Variants in DOCK10 observed in about 807,000 individuals in gnomAD.
The protein encoded by DOCK10 is dedicator of cytokinesis protein 10.
A neutral mutation model predicts 280.1 loss-of-function variants in DOCK10; 145 were observed. The ratio of observed to expected loss-of-function variants is 0.52; its 90% CI spans 0.45 to 0.59. The LOEUF is 0.59. DOCK10 is among the 20% of genes least tolerant of loss of function. The pLI, the probability that DOCK10 is intolerant of heterozygous loss-of-function variation, is 0.00. For synonymous variants in DOCK10, 915 were observed against 942.2 expected, an observed-to-expected ratio of 0.97 and a Z score of 0.53; for missense variants, 2,368 against 2,651.7, an observed-to-expected ratio of 0.89 and a Z score of 2.35.
Position 224,797,880 on chromosome 2 carries a change from G to A in DOCK10, c.4596C>T (p.Ala1532=), listed in dbSNP as rs1168861086. The change falls in exon 42 of 56, where the codon GCC becomes GCT. Residue 1532 remains alanine (A), a synonymous_variant. Coordinates refer to ENST00000258390, the MANE Select transcript of DOCK10 (RefSeq NM_014689.3). The part of the protein sequence containing the change: ...YMLFFQVNQS[A]TALKHVFASL... The stretch of plus-strand genomic sequence containing the variant: ...AGGCAAACACATGCTTCAGCGCTGT[G>A]GCTGACTGATTGACTTGGAAAAAGA... 1 of 1,613,850 alleles carries A rather than the reference G, an allele frequency of 6.2e-7. No homozygotes were observed. Among genetic ancestry groups the A allele is most frequent in the East Asian group, 2.2e-5 (1 of 44,878 alleles).
At chr2:224,898,214 C>T (rs574364381) in intron 3 of DOCK10, among the ~76,000 whole-genome samples, 14 of 152,246 alleles carry the variant, frequency 9.2e-5, no homozygotes, top group African/African-American at 3.4e-4. Flanking sequence ...GCATGAAAAA[C>T]GCAGGGCGAG....
chr2:224,978,476 G>C (rs552038741), intron 1 of DOCK10, among the ~76,000 whole-genome samples: 7 of 152,228 alleles, frequency 4.6e-5, no homozygotes, highest in South Asian at 4.2e-4. Flanking sequence ...GAGGGTCAAG[G>C]TCAAAGCAAG....
At position 224,886,893 on chromosome 2, in the gene DOCK10, C is replaced by CCCCCCCA. The variant is rs550630549; in HGVS notation, c.417-363_417-362insTGGGGGG. Among the ~76,000 whole-genome samples the CCCCCCCA allele has an allele frequency of 6.5e-4, 97 of 149,484 alleles. 2 individuals are homozygous for CCCCCCCA. The highest frequency in any genetic ancestry group is 3.8e-3 in the South Asian group (18 of 4,690). ...CTGCATGCAGCACCCCCAACACCCC[C>CCCCCCCA]CCAAGTAGTACCTGGGATTACAGGC... On this transcript the variant is annotated intron_variant, in intron 4 of 55. Transcript: ENST00000258390.
At chr2:224,934,867 A>G (rs1702597625) in intron 1 of DOCK10, among the ~76,000 whole-genome samples, 1 of 152,126 alleles carries the variant, frequency 6.6e-6, no homozygotes, top group Non-Finnish European at 1.5e-5. Context: ...CTTTCTCTCA[A>G]ATGAGTAATG....
intron 21 of DOCK10, among the ~76,000 whole-genome samples, 174 bp from the exon 22 acceptor site, chr2:224,845,013 C>T (rs1223927961): frequency 1.3e-5 from 2 of 152,156 alleles, no homozygotes; most frequent in Admixed American, 6.5e-5. Flanking sequence ...ACCAATATGA[C>T]ATCGGGATCA....
At chr2:225,028,474 G>A (rs951497631) in intron 1 of DOCK10, among the ~76,000 whole-genome samples, 1 of 152,170 alleles carries the variant, frequency 6.6e-6, no homozygotes, top group Non-Finnish European at 1.5e-5. Flanking sequence ...CAGCCTTGCT[G>A]ATACCTTGAT....
intron 19 of DOCK10, among the ~76,000 whole-genome samples, chr2:224,847,182 T>C (rs1356683452): frequency 6.6e-6 from 1 of 152,226 alleles, no homozygotes; most frequent in African/African-American, 2.4e-5. Context: ...AGAATTGTTT[T>C]CAACTAACTG....
intron 2 of DOCK10, among the ~76,000 whole-genome samples, chr2:224,930,008 A>G (rs7592444): frequency 0.56 from 84,887 of 151,718 alleles, 24,698 homozygotes; most frequent in Non-Finnish European, 0.63. Flanking sequence ...CAAGACCAGC[A>G]TGGCCAACAT....
At chr2:224,776,095 C>T (rs1254341828) in intron 51 of DOCK10, among the ~76,000 whole-genome samples, 2 of 151,654 alleles carry the variant, frequency 1.3e-5, no homozygotes, top group African/African-American at 4.9e-5. Flanking sequence ...CTAAGAAAAT[C>T]CAGGAAATTG....
chr2:224,848,306 T>C (rs149958374), intron 19 of DOCK10, among the ~76,000 whole-genome samples: 25 of 152,378 alleles, frequency 1.6e-4, no homozygotes, highest in African/African-American at 5.5e-4. Flanking sequence ...GCTGTGATAT[T>C]GTGAATCTCA....
At chr2:225,017,705 C>CAA (rs61170287) in intron 1 of DOCK10, among the ~76,000 whole-genome samples, 10,423 of 126,508 alleles carry the variant, frequency 0.082, 1,202 homozygotes, top group African/African-American at 0.27. Context: ...CCTACTGTTC[C>CAA]AAAAAAAAAA....
chr2:224,888,852 TTG>T (rs1467762999), intron 4 of DOCK10, among the ~76,000 whole-genome samples: 31 of 152,022 alleles, frequency 2.0e-4, no homozygotes, highest in Middle Eastern at 3.4e-3. Context: ...GTGAATATAT[TTG>T]TGTGTGACTA....
chr2:224,855,327 C>T (rs1471705521), intron 15 of DOCK10, among the ~76,000 whole-genome samples: 1 of 152,086 alleles, frequency 6.6e-6, no homozygotes, highest in Non-Finnish European at 1.5e-5. Flanking sequence ...CTTCAGATAA[C>T]ACAAAAATCA....
intron 7 of DOCK10, among the ~76,000 whole-genome samples, chr2:224,881,042 C>T (rs1056237463): frequency 6.6e-6 from 1 of 152,150 alleles, no homozygotes; most frequent in Non-Finnish European, 1.5e-5. Flanking sequence ...TGCTTTCCCT[C>T]ATTGAACTTA....
chr2:225,042,283 G>A lies in DOCK10; in HGVS notation c.92C>T (p.Ala31Val). The A allele has an allele frequency of 7.5e-7, 1 of 1,339,058 alleles. No individual in the cohort carries two copies. Among genetic ancestry groups the A allele is most frequent in the Non-Finnish European group, 9.6e-7 (1 of 1,043,084 alleles). 82.9% of individuals were successfully genotyped at this position (1,339,058 alleles called of 1,614,324 possible). ...CTGCTGCCGGCTGCTGACTGCCACC[G>A]CGGCGGCGGACGCGGCGCTGTGCCG... is the stretch of plus-strand genomic sequence containing the variant. ...ELRHSAASAA[A>V]VAVSSRQQQR... Residue 31 changes from alanine (A) to valine (V), a missense_variant, in exon 1 of 56, where the codon GCG becomes GTG. This residue lies in a region of DOCK10 where 1,209 missense variants were observed against 1,250.9 expected (regional missense o/e 0.97). Coordinates refer to ENST00000258390, the MANE Select transcript of DOCK10 (RefSeq NM_014689.3). This position sits in a 1 kb window ranked among gnomAD's most constrained non-coding sequence, Gnocchi z 5.1.
intron 44 of DOCK10, 150 bp downstream of exon 44, chr2:224,796,166 C>A: frequency 1.7e-6 from 1 of 587,774 alleles, no homozygotes; most frequent in Non-Finnish European, 3.0e-6. Context: ...TGGCCTCAAG[C>A]GATCCTCCTG....
At chr2:225,037,937 C>A (rs940820383) in intron 1 of DOCK10, among the ~76,000 whole-genome samples, 2 of 152,190 alleles carry the variant, frequency 1.3e-5, no homozygotes, top group African/African-American at 2.4e-5. Context: ...AAGTAACATT[C>A]AAACTTGATC....
intron 55 of DOCK10, among the ~76,000 whole-genome samples, chr2:224,766,284 CT>C (rs1334454213): frequency 1.3e-5 from 2 of 152,158 alleles, no homozygotes; most frequent in African/African-American, 2.4e-5. Context: ...CTAAAAAATA[CT>C]TTATCAGATT....
rs770410572 is a variant in DOCK10, at chr2:224,773,270, C to G, written c.6091G>C (p.Val2031Leu). The G allele has an allele frequency of 1.9e-6, 3 of 1,613,954 alleles. No homozygotes were observed. The highest frequency in any genetic ancestry group is 2.2e-5 in the East Asian group (1 of 44,886). ...QSSTELNPIE[V>L]AIDEMSKKVS... is the part of the protein sequence containing the mutation. ...TTCTTGGACATCTCGTCAATTGCCA[C>G]TTCAATTGGATTCAGTTCTGTGCTC... The change falls in exon 53 of 56, where the codon GTG becomes CTG. Residue 2031 changes from valine (V) to leucine (L), a missense_variant. Physicochemically the swap from Val to Leu is conservative, Grantham distance 32. Around this residue, in one of 2 missense-constraint regions of DOCK10, gnomAD observed 1,159 missense variants for 1,400.8 expected, o/e 0.83. Transcript: ENST00000258390.
Sources: gnomAD v4.1 joint callset for allele counts (sites outside exome capture counted in the v4.1 genomes callset) on GRCh38, gnomAD v4.1.1 for gene constraint, gnomAD v4.1.1 regional missense constraint, Gnocchi (gnomAD v3.1) non-coding constraint, MANE v1.5 for transcripts, NCBI Gene and HGNC (gene_info 2026-07-23, HGNC 2026-07-21) for gene names.